Variants in SLC24A3 observed in about 807,000 individuals in gnomAD.
SLC24A3 encodes the protein solute carrier family 24 member 3.
A neutral mutation model predicts 75.8 loss-of-function variants in SLC24A3; 28 were observed. That is an observed-to-expected ratio of 0.37 (90% CI 0.27 to 0.51). The LOEUF (loss-of-function observed/expected upper bound fraction) is 0.51, where lower values mean the gene tolerates loss of function less well. Ranked by LOEUF, SLC24A3 falls within the 20% of genes least tolerant of loss-of-function variation. The pLI is 0.94. For synonymous variants in SLC24A3, 372 were observed against 334.1 expected, an observed-to-expected ratio of 1.11 and a Z score of -1.24; for missense variants, 663 against 847.8, an observed-to-expected ratio of 0.78 and a Z score of 2.71.
intron 2 of SLC24A3, among the ~76,000 whole-genome samples, chr20:19,481,457 G>A (rs962507883): frequency 1.3e-5 from 2 of 152,186 alleles, no homozygotes; most frequent in African/African-American, 4.8e-5. Flanking sequence ...GGAAATTCAG[G>A]AGGCTGGCTT....
chr20:19,645,928 G>A (rs903748951), intron 6 of SLC24A3, among the ~76,000 whole-genome samples: 12 of 152,038 alleles, frequency 7.9e-5, no homozygotes, highest in Non-Finnish European at 1.2e-4. Flanking sequence ...GGTGGCATGT[G>A]CCTATAATCT....
chr20:19,676,968 A>T (rs1252322575), intron 9 of SLC24A3, among the ~76,000 whole-genome samples: 1 of 152,222 alleles, frequency 6.6e-6, no homozygotes, highest in Admixed American at 6.5e-5. Context: ...GCAAAACAAG[A>T]TTAATAATAA....
intron 3 of SLC24A3, among the ~76,000 whole-genome samples, chr20:19,576,215 A>G (rs2031132377): frequency 6.6e-6 from 1 of 152,158 alleles, no homozygotes; most frequent in Non-Finnish European, 1.5e-5. Flanking sequence ...ATTGTCAATG[A>G]TATTAATATA....
In SLC24A3 at chr20:19,685,177, C is replaced by A. The variant is rs781200672; in HGVS notation, c.1140C>A (p.Thr380=). The A allele has an allele frequency of 1.3e-5, 21 of 1,613,964 alleles. No individual in the cohort carries two copies. The highest frequency in any genetic ancestry group is 1.8e-5 in the Non-Finnish European group (21 of 1,180,030). ...EVAIKIPIKH[T]VENGTGPSSA... ...CCATCAAAATCCCAATTAAGCACAC[C>A]GTGGAGAATGGGACAGGGCCCAGCA... Residue 380 remains threonine (T), a synonymous_variant, in exon 12 of 17, where the codon ACC becomes ACA. Transcript: ENST00000328041.
chr20:19,345,197 G>A lies in SLC24A3; in HGVS notation c.271+64110G>A, dbSNP rs75488100. Among the ~76,000 whole-genome samples, 586 of 152,200 alleles carry A rather than the reference G, an allele frequency of 3.9e-3. 13 individuals carry two copies. Among genetic ancestry groups the A allele is most frequent in the Admixed American group, 0.034 (516 of 15,280 alleles). ...ATGCCAGGAATGGAGAATTAGAAGA[G>A]TATAATTCTAACAAAATATATACAA... On this transcript the variant is annotated intron_variant, in intron 2 of 16. Transcript: ENST00000328041.
At chr20:19,632,030 C>T (rs968386577) in intron 6 of SLC24A3, among the ~76,000 whole-genome samples, 2 of 152,082 alleles carry the variant, frequency 1.3e-5, no homozygotes, top group Non-Finnish European at 2.9e-5. Flanking sequence ...TTGTCAGGCT[C>T]ATTAAAGACA....
chr20:19,652,723 A>G (rs2032221799), intron 6 of SLC24A3, among the ~76,000 whole-genome samples: 1 of 152,146 alleles, frequency 6.6e-6, no homozygotes, highest in African/African-American at 2.4e-5. Context: ...CTTTCATGTT[A>G]TTTGCATCCA....
intron 2 of SLC24A3, among the ~76,000 whole-genome samples, chr20:19,450,675 T>G (rs1344718841): frequency 6.6e-6 from 1 of 152,168 alleles, no homozygotes; most frequent in African/African-American, 2.4e-5. Context: ...GGCACTGGCT[T>G]AGTGAATAGA....
At chr20:19,507,251 A>T (rs1284618963) in intron 2 of SLC24A3, among the ~76,000 whole-genome samples, 1 of 152,012 alleles carries the variant, frequency 6.6e-6, no homozygotes, top group Non-Finnish European at 1.5e-5. Context: ...TACAACCTTA[A>T]CCTCCCTCCC....
intron 6 of SLC24A3, among the ~76,000 whole-genome samples, chr20:19,598,785 T>G (rs147590904): frequency 3.3e-5 from 5 of 152,200 alleles, no homozygotes; most frequent in Admixed American, 3.3e-4. Flanking sequence ...TTCCACTCTC[T>G]TGCTCTGTCT....
At chr20:19,285,502 A>AAAAAAAAAAAT (rs1555785961) in intron 2 of SLC24A3, among the ~76,000 whole-genome samples, 1 of 145,658 alleles carries the variant, frequency 6.9e-6, no homozygotes, top group African/African-American at 2.6e-5. Context: ...AAAAAAAAAA[A>AAAAAAAAAAAT]GGCATTTTTC....
intron 6 of SLC24A3, among the ~76,000 whole-genome samples, chr20:19,624,203 T>C (rs2031840247): frequency 6.6e-6 from 1 of 152,306 alleles, no homozygotes; most frequent in African/African-American, 2.4e-5. Flanking sequence ...ATGTTTTGAT[T>C]GGACTCCCTG....
At chr20:19,520,185 C>T (rs2030073155) in intron 3 of SLC24A3, among the ~76,000 whole-genome samples, 1 of 152,150 alleles carries the variant, frequency 6.6e-6, no homozygotes, top group Non-Finnish European at 1.5e-5. Flanking sequence ...GCTAATTAGT[C>T]CAGCAACCCA....
chr20:19,526,930 G>A (rs964713307), intron 3 of SLC24A3, among the ~76,000 whole-genome samples: 2 of 152,132 alleles, frequency 1.3e-5, no homozygotes, highest in African/African-American at 2.4e-5. Context: ...GGCCATTGTC[G>A]TTATTTTTAT....
chr20:19,701,577 C>T (rs775160845), intron 15 of SLC24A3, among the ~76,000 whole-genome samples: 1 of 152,140 alleles, frequency 6.6e-6, no homozygotes, highest in Admixed American at 6.5e-5. Flanking sequence ...CTTTCTGTCT[C>T]TACTCAGTCA....
At chr20:19,585,868 C>T (rs1335228095) in intron 6 of SLC24A3, among the ~76,000 whole-genome samples, 3 of 152,088 alleles carry the variant, frequency 2.0e-5, no homozygotes, top group African/African-American at 7.2e-5. Flanking sequence ...ACTAGAATGG[C>T]CTAAAACAAT....
chr20:19,508,114 G>A (rs879323404), intron 2 of SLC24A3, among the ~76,000 whole-genome samples: 1 of 152,186 alleles, frequency 6.6e-6, no homozygotes, highest in Admixed American at 6.5e-5. Context: ...TGTGAGAAGC[G>A]GAGGAGGTAC....
At chr20:19,230,217 C>T (rs1981981028) in intron 1 of SLC24A3, among the ~76,000 whole-genome samples, 1 of 152,094 alleles carries the variant, frequency 6.6e-6, no homozygotes, top group African/African-American at 2.4e-5. Context: ...ACCACTCTCA[C>T]CTGGTCACAA....
intron 2 of SLC24A3, among the ~76,000 whole-genome samples, chr20:19,288,872 C>G (rs573592946): frequency 6.6e-6 from 1 of 152,338 alleles, no homozygotes; most frequent in South Asian, 2.1e-4. Context: ...CACACACATC[C>G]ATTTATGTGT....
Sources: allele counts gnomAD v4.1 joint callset (sites outside exome capture counted in the v4.1 genomes callset), GRCh38; gene constraint gnomAD v4.1.1; transcripts MANE v1.5; gene names NCBI Gene and HGNC (gene_info 2026-07-23, HGNC 2026-07-21).